Variants in HSPA4L observed in about 807,000 individuals in gnomAD.
HSPA4L encodes the protein heat shock protein family A (Hsp70) member 4 like, also known as heat shock 70 kDa protein 4L.
A neutral mutation model predicts 100.3 loss-of-function variants in HSPA4L; 48 were observed. That is an observed-to-expected ratio of 0.48 (90% CI 0.38 to 0.61). The LOEUF (loss-of-function observed/expected upper bound fraction) is 0.61, where lower values mean the gene tolerates loss of function less well. Among genes scored for constraint, HSPA4L ranks in the 20% least tolerant of loss-of-function variants. The pLI is 0.00. For synonymous variants in HSPA4L, 319 were observed against 328.2 expected, an observed-to-expected ratio of 0.97 and a Z score of 0.30; for missense variants, 886 against 988.6, an observed-to-expected ratio of 0.90 and a Z score of 1.39.
In HSPA4L at chr4:127,831,502, A is replaced by T. The variant is rs1042194030; in HGVS notation, c.2328+703A>T. Among the ~76,000 whole-genome samples, 119 of 84,258 alleles carry T rather than the reference A, an allele frequency of 1.4e-3. 1 individual carries two copies. In the East Asian group the frequency reaches 0.03, roughly 21 times the overall value. 55.3% of individuals were successfully genotyped at this position (84,258 alleles called of 152,430 possible). On this transcript the variant is annotated intron_variant, in intron 18 of 18. Coordinates refer to ENST00000296464, the MANE Select transcript of HSPA4L (RefSeq NM_014278.4). ...GTGACAGAGCAAGACCTTGTCTATTAAAAAAAAAAAAAAAAAAAAAAGGAA... is the reference window on the plus strand; with the variant it reads ...GTGACAGAGCAAGACCTTGTCTATTTAAAAAAAAAAAAAAAAAAAAAGGAA...
In HSPA4L at chr4:127,805,094, G is replaced by A. The variant is rs1733313412; in HGVS notation, c.1007G>A (p.Ser336Asn). The A allele has an allele frequency of 6.2e-7, 1 of 1,610,304 alleles. No individual in the cohort carries two copies. The highest frequency in any genetic ancestry group is 8.5e-7 in the Non-Finnish European group (1 of 1,178,100). Residue 336 changes from serine to asparagine, a missense_variant, in exon 9 of 19, where the codon AGT becomes AAT. Transcript: ENST00000296464. ...CCAGACTTACAACGTGAAGACATTA[G>A]TAGTATAGAAATTGTAGGAGGAGCA... ...EQANLQREDI[S>N]SIEIVGGATR...
intron 16 of HSPA4L, among the ~76,000 whole-genome samples, chr4:127,825,285 G>A (rs969449205): frequency 3.3e-5 from 5 of 152,126 alleles, no homozygotes; most frequent in African/African-American, 1.2e-4. Flanking sequence ...TAGATACAAG[G>A]TGGGCCCACT....
At chr4:127,822,538 A>G (rs1733839826) in intron 14 of HSPA4L, among the ~76,000 whole-genome samples, 1 of 152,126 alleles carries the variant, frequency 6.6e-6, no homozygotes, top group South Asian at 2.1e-4. Flanking sequence ...AGTGAAATTG[A>G]AATTCTGTGC....
intron 1 of HSPA4L, chr4:127,783,597 C>G (rs553019381): frequency 6.5e-7 from 1 of 1,532,692 alleles, no homozygotes; most frequent in Admixed American, 2.0e-5. Flanking sequence ...ATATGAAAAA[C>G]TAGTTGCTGC....
intron 15 of HSPA4L, 28 bp from the exon 16 acceptor site, chr4:127,823,489 A>C (rs1733865265): frequency 1.4e-6 from 2 of 1,445,578 alleles, no homozygotes. Context: ...AAGTATTTTT[A>C]ATTAGTGTCT....
intron 3 of HSPA4L, among the ~76,000 whole-genome samples, chr4:127,797,601 AATT>A (rs1733058668): frequency 7.3e-6 from 1 of 136,382 alleles, no homozygotes; most frequent in Non-Finnish European, 1.6e-5. Flanking sequence ...CTTTAAAAAA[AATT>A]TTTTTTTTTT....
chr4:127,813,156 GAACA>G (rs1373375216), intron 12 of HSPA4L: 1 of 1,432,704 alleles, frequency 7.0e-7, no homozygotes, highest in African/African-American at 1.4e-5. Flanking sequence ...AAGGCCTAGA[GAACA>G]TATATCGGGT....
chr4:127,818,797 T>C (rs1048600392), intron 13 of HSPA4L, among the ~76,000 whole-genome samples: 9 of 151,894 alleles, frequency 5.9e-5, no homozygotes, highest in African/African-American at 2.2e-4. Context: ...GCTTAATACC[T>C]GGGTGATGAA....
intron 17 of HSPA4L, among the ~76,000 whole-genome samples, chr4:127,828,969 A>G (rs369600985): frequency 2.7e-4 from 41 of 152,304 alleles, no homozygotes; most frequent in African/African-American, 8.9e-4. Flanking sequence ...ATATTGTCAA[A>G]CAAAACATTG....
chr4:127,807,792 A>G (rs560451102), intron 10 of HSPA4L, among the ~76,000 whole-genome samples: 13 of 152,120 alleles, frequency 8.5e-5, no homozygotes, highest in Non-Finnish European at 1.8e-4. Flanking sequence ...GTTGTCTGTT[A>G]TTATGATAGA....
intron 2 of HSPA4L, among the ~76,000 whole-genome samples, chr4:127,795,003 T>C (rs1732978450): frequency 6.6e-6 from 1 of 152,148 alleles, no homozygotes; most frequent in African/African-American, 2.4e-5. Context: ...ATTAAGATAC[T>C]TTCATTTAGC....
At chr4:127,788,726 C>T (rs1732788093) in intron 1 of HSPA4L, among the ~76,000 whole-genome samples, 2 of 152,122 alleles carry the variant, frequency 1.3e-5, no homozygotes, top group South Asian at 2.1e-4. Context: ...GTACTACTGG[C>T]ATCTAGTGGT....
intron 6 of HSPA4L, among the ~76,000 whole-genome samples, chr4:127,803,052 A>G (rs1733237962): frequency 6.6e-6 from 1 of 152,058 alleles, no homozygotes; most frequent in Admixed American, 6.6e-5. Flanking sequence ...TCTGCTGGGA[A>G]GCCTGTTGCT....
intron 17 of HSPA4L, 72 bp from the exon 18 acceptor site, chr4:127,830,566 T>G: frequency 8.1e-7 from 1 of 1,239,026 alleles, no homozygotes; most frequent in Non-Finnish European, 1.1e-6. Flanking sequence ...ATTTTTAAAG[T>G]AGAAATTACT....
At position 127,833,882 on chromosome 4, in the gene HSPA4L, C is replaced by T. The variant is rs1174533949; in HGVS notation, c.*1008C>T. On this transcript the variant is annotated 3_prime_UTR_variant, in exon 19 of 19. Coordinates refer to ENST00000296464, the MANE Select transcript of HSPA4L (RefSeq NM_014278.4). ...TAATACTTGAAAAGGAGCACTTATACCATAAGTCTTAGGAAATAATGTTTG... is the reference window on the plus strand; with the variant it reads ...TAATACTTGAAAAGGAGCACTTATATCATAAGTCTTAGGAAATAATGTTTG... 6.6e-6 allele frequency: 1 copy of T among 152,074 alleles called. No homozygotes were observed. The highest frequency in any genetic ancestry group is 1.5e-5 in the Non-Finnish European group (1 of 67,984). The allele number at this position is 152,074 out of a possible 1,614,324, so 9.4% of individuals were successfully genotyped here.
rs139483098 is a variant in HSPA4L, at chr4:127,821,615, T to G, written c.1812+1050T>G. ...ACAGGTGAGGAAACTGAGACACAAG[T>G]AGACTAAATTACCCAGGATCAGAGA... On this transcript the variant is annotated intron_variant, in intron 14 of 18. Coordinates refer to ENST00000296464, the MANE Select transcript of HSPA4L (RefSeq NM_014278.4). Among the ~76,000 whole-genome samples the G allele has an allele frequency of 7.0e-4, 107 of 152,256 alleles. No homozygotes were observed. The East Asian group carries it at 0.017, about 24-fold the overall frequency.
chr4:127,825,926 C>CAAAAAAA (rs78623521), intron 16 of HSPA4L, among the ~76,000 whole-genome samples: 18 of 56,868 alleles, frequency 3.2e-4, no homozygotes, highest in South Asian at 1.9e-3. Context: ...AACTCCATCT[C>CAAAAAAA]AAAAAAAAAA....
Position 127,783,637 on chromosome 4 carries a change from G to A in HSPA4L, c.107+980G>A, listed in dbSNP as rs753078215. The A allele has an allele frequency of 7.8e-6, 12 of 1,535,166 alleles. No homozygotes were observed. In the South Asian group the frequency reaches 1.2e-4, roughly 15 times the overall value. On this transcript the variant is annotated intron_variant, in intron 1 of 18. Transcript: ENST00000296464. ...AGGCTGCTGTTACTGGTAATTTTAT[G>A]AGGAAACCAACTGTATGAAACCTAT...
intron 12 of HSPA4L, among the ~76,000 whole-genome samples, chr4:127,812,027 A>T (rs1281539904): frequency 6.6e-6 from 1 of 152,202 alleles, no homozygotes; most frequent in Non-Finnish European, 1.5e-5. Context: ...TTGAAAATAC[A>T]TGCTTAATAA....
Sources: gnomAD v4.1 joint callset for allele counts (sites outside exome capture counted in the v4.1 genomes callset) on GRCh38, gnomAD v4.1.1 for gene constraint, MANE v1.5 for transcripts, NCBI Gene and HGNC (gene_info 2026-07-23, HGNC 2026-07-21) for gene names.